KIF17: variants seen among roughly 807,000 people sequenced by gnomAD.
The protein encoded by KIF17 is kinesin-like protein KIF17.
KIF17 carries 80 observed loss-of-function variants against 96.8 expected under a neutral mutation model. The ratio of observed to expected loss-of-function variants is 0.83; its 90% CI spans 0.69 to 1.00. The LOEUF (loss-of-function observed/expected upper bound fraction) is 1.00. Ranked by LOEUF, KIF17 falls within the 50% of genes least tolerant of loss-of-function variation. The pLI is 0.00. For synonymous variants in KIF17, 567 were observed against 587.5 expected (o/e 0.97, Z 0.51); for missense variants, 1,280 against 1,372.9 (o/e 0.93, Z 1.07).
At chr1:20,688,575 A>G (rs1003396953) in intron 7 of KIF17, among the ~76,000 whole-genome samples, 47 of 152,284 alleles carry the variant, frequency 3.1e-4, no homozygotes, top group Non-Finnish European at 1.2e-4. Flanking sequence ...CAGCCTTGGG[A>G]CCACTCTTCG....
At chr1:20,690,673 A>G (rs2154536320) in intron 6 of KIF17, among the ~76,000 whole-genome samples, 1 of 148,360 alleles carries the variant, frequency 6.7e-6, no homozygotes, top group Admixed American at 6.7e-5. Context: ...TGGGCATGCC[A>G]CCATCAGCAA....
At position 20,690,203 on chromosome 1, in the gene KIF17, G is replaced by T; in HGVS notation, c.1366C>A (p.Leu456Met). Reference sequence around the variant, plus strand: ...GGGTGCCCACCTGTCTCCTTCCGCAGGTTCTCCTCCAGCGTGGACAGCCTG... The same window carrying T: ...GGGTGCCCACCTGTCTCCTTCCGCATGTTCTCCTCCAGCGTGGACAGCCTG... ...DVRLSTLEENLRKETEAVLQV... is the reference protein window; with the variant it reads ...DVRLSTLEENMRKETEAVLQV... The change falls in exon 7 of 15, where the codon CTG becomes ATG. Residue 456 changes from leucine (L) to methionine (M), a missense_variant. Transcript: ENST00000400463. The T allele has an allele frequency of 6.2e-7, 1 of 1,614,170 alleles. No homozygotes were observed. Among genetic ancestry groups the T allele is most frequent in the Non-Finnish European group, 8.5e-7 (1 of 1,180,042 alleles).
At position 20,668,096 on chromosome 1, in the gene KIF17, GTCA is replaced by G. The variant is rs575490428; in HGVS notation, c.2791-1768_2791-1766del. On this transcript the variant is annotated intron_variant, in intron 13 of 14. Coordinates refer to ENST00000400463, the MANE Select transcript of KIF17 (RefSeq NM_001122819.3). Reference sequence around the variant, plus strand: ...GAGGCCAAGGTGGGCAGATCACGAGGTCAGGAGATTGAGACCATCCTGGCTAAC... The same window carrying G: ...GAGGCCAAGGTGGGCAGATCACGAGGGGAGATTGAGACCATCCTGGCTAAC... 4.5e-4 allele frequency among the ~76,000 whole-genome samples: 69 copies of G among 152,102 alleles called. 1 individual carries two copies. In the South Asian group the frequency reaches 0.011, roughly 23 times the overall value.
intron 6 of KIF17, among the ~76,000 whole-genome samples, chr1:20,698,102 G>A (rs1348963214): frequency 3.9e-5 from 6 of 152,160 alleles, no homozygotes; most frequent in African/African-American, 1.4e-4. Flanking sequence ...CCACGCCCCT[G>A]GAGACACCTC....
At chr1:20,682,629 T>C (rs1557588394) in intron 11 of KIF17, 24 bp downstream of exon 11, 1 of 1,607,518 alleles carries the variant, frequency 6.2e-7, no homozygotes, top group Non-Finnish European at 8.5e-7. Flanking sequence ...CAGCTGGGCA[T>C]GGGGGGCTGC....
rs571843643 is a variant in KIF17 at position 20,711,882 on chromosome 1, T to C, written c.480+1572A>G. ...TGGTCTTACTTAGGCACATGGAGCC[T>C]CAGTTTCCTCATCTGTTGTTACAAG... is the stretch of plus-strand genomic sequence containing the variant. On this transcript the variant is annotated intron_variant, in intron 3 of 14. Transcript: ENST00000400463. 5.3e-5 allele frequency among the ~76,000 whole-genome samples: 8 copies of C among 152,270 alleles called. No individual in the cohort carries two copies. The East Asian group carries it at 1.4e-3, about 26-fold the overall frequency.
intron 11 of KIF17, among the ~76,000 whole-genome samples, chr1:20,677,107 AGGCTGAGGTAGGAGGATC>A (rs1166021424): frequency 5.3e-5 from 8 of 152,208 alleles, no homozygotes; most frequent in African/African-American, 1.7e-4. Flanking sequence ...GCTATTCGGG[AGGCTGAGGTAGGAGGATC>A]ACCTGAGCCC....
chr1:20,706,096 C>G (rs569447292), intron 4 of KIF17, among the ~76,000 whole-genome samples: 3 of 150,806 alleles, frequency 2.0e-5, no homozygotes, highest in Admixed American at 2.0e-4. Flanking sequence ...TTTAGAGATA[C>G]GGTGTCCCTA....
chr1:20,664,126 C>A lies in KIF17; in HGVS notation c.*458G>T. On this transcript the variant is annotated 3_prime_UTR_variant, in exon 15 of 15. Coordinates refer to ENST00000400463, the MANE Select transcript of KIF17 (RefSeq NM_001122819.3). Reference sequence around the variant, plus strand: ...ACCTGCTGTGGGACCCCTGTGCCACCCCATGGGGCAGGGCAGTGCTTAGGA... The same window carrying A: ...ACCTGCTGTGGGACCCCTGTGCCACACCATGGGGCAGGGCAGTGCTTAGGA... The A allele has an allele frequency of 4.0e-6, 1 of 248,034 alleles. No homozygotes were observed. Among genetic ancestry groups the A allele is most frequent in the Non-Finnish European group, 8.0e-6 (1 of 125,780 alleles). 15.4% of individuals were successfully genotyped at this position (248,034 alleles called of 1,614,324 possible).
In KIF17 at chr1:20,685,173, C is replaced by T. The variant is rs1045918442; in HGVS notation, c.2020-153G>A. ...CAGGGACACCAGTGACACAAAAACA[C>T]GCCCTGTTGAGTTCTTACTGCCGCT... is the stretch of plus-strand genomic sequence containing the variant. On this transcript the variant is annotated intron_variant, in intron 9 of 14. Transcript: ENST00000400463. The surrounding 1 kb of genome is among the most constrained non-coding windows in gnomAD (Gnocchi z 4.1). 9.7e-6 allele frequency: 7 copies of T among 724,672 alleles called. No homozygotes were observed. The highest frequency in any genetic ancestry group is 7.0e-5 in the African/African-American group (4 of 57,410). 44.9% of individuals were successfully genotyped at this position (724,672 alleles called of 1,614,324 possible).
At chr1:20,676,922 T>G (rs2154535394) in intron 11 of KIF17, among the ~76,000 whole-genome samples, 1 of 150,524 alleles carries the variant, frequency 6.6e-6, no homozygotes, top group African/African-American at 2.4e-5. Flanking sequence ...AAAATCCAAG[T>G]TTTAGGGGCT....
intron 6 of KIF17, among the ~76,000 whole-genome samples, chr1:20,694,280 G>A (rs2054095832): frequency 2.0e-5 from 3 of 151,976 alleles, no homozygotes. Context: ...TATATTTTTG[G>A]TAGAAACAGG....
intron 12 of KIF17, among the ~76,000 whole-genome samples, chr1:20,671,208 G>A (rs1412257145): frequency 6.6e-6 from 1 of 152,188 alleles, no homozygotes; most frequent in Non-Finnish European, 1.5e-5. Flanking sequence ...TCTTCTCAGG[G>A]CTGTCGTAAG....
At chr1:20,682,994 C>A in intron 10 of KIF17, 110 bp from the exon 11 acceptor site, 2 of 898,128 alleles carry the variant, frequency 2.2e-6, no homozygotes, top group Non-Finnish European at 3.5e-6. Context: ...TTCCAACAAC[C>A]CCACTTCACA....
intron 3 of KIF17, among the ~76,000 whole-genome samples, chr1:20,711,450 C>T (rs752896066): frequency 2.6e-5 from 4 of 152,160 alleles, no homozygotes; most frequent in Non-Finnish European, 4.4e-5. Flanking sequence ...TTGGTAACTG[C>T]TCATCTCTGC....
At chr1:20,669,752 G>C (rs1296968958) in intron 13 of KIF17, among the ~76,000 whole-genome samples, 1 of 146,660 alleles carries the variant, frequency 6.8e-6, no homozygotes, top group Non-Finnish European at 1.5e-5. Flanking sequence ...CGCGCCTGTA[G>C]TCCCAGCTGA....
Position 20,687,868 on chromosome 1 carries a change from G to C in KIF17, c.1458C>G (p.Tyr486Ter), listed in dbSNP as rs753401086. 6.2e-7 allele frequency: 1 copy of C among 1,614,010 alleles called. No individual in the cohort carries two copies. The highest frequency in any genetic ancestry group is 1.7e-5 in the Admixed American group (1 of 60,012). ...SRAEFASSAE[Y>*]PPAFQYETVV... ...CTGTCTCATACTGAAAAGCAGGCGG[G>C]TACTCAGCGCTGCTGGCAAACTCAG... Residue 486 changes from tyrosine (Y) to a stop codon, truncating the protein, a stop_gained, in exon 8 of 15, where the codon TAC (tyrosine) becomes TAG (stop). Transcript: ENST00000400463. LOFTEE classifies it high-confidence loss of function. The surrounding 1 kb of genome is among the most constrained non-coding windows in gnomAD (Gnocchi z 4.4).
chr1:20,681,936 G>A (rs556258738), intron 11 of KIF17, among the ~76,000 whole-genome samples: 117 of 152,130 alleles, frequency 7.7e-4, no homozygotes, highest in Admixed American at 1.6e-3. Context: ...AAAGCACTTC[G>A]TAGAAATGAA....
intron 13 of KIF17, 109 bp from the exon 14 acceptor site, chr1:20,666,440 G>C (rs573268): frequency 0.99 from 876,755 of 882,330 alleles, 435,798 homozygotes; most frequent in East Asian, 1. Context: ...GAGCTTCCCC[G>C]AAGTTGTCAC....
Sources: gnomAD v4.1 joint callset for allele counts (sites outside exome capture counted in the v4.1 genomes callset) on GRCh38, gnomAD v4.1.1 for gene constraint, Gnocchi (gnomAD v3.1) non-coding constraint, MANE v1.5 for transcripts, NCBI Gene and HGNC (gene_info 2026-07-23, HGNC 2026-07-21) for gene names.